The following RHOBTB3 variants were observed in gnomAD, a reference collection of about 807,000 sequenced individuals.
The protein encoded by RHOBTB3 is Rho related BTB domain containing 3.
Under a neutral mutation model 67.2 loss-of-function variants are expected in RHOBTB3, and 47 were observed. The ratio of observed to expected loss-of-function variants is 0.70; its 90% CI spans 0.55 to 0.89. The LOEUF (loss-of-function observed/expected upper bound fraction) is 0.89. Ranked by LOEUF, RHOBTB3 falls within the 40% of genes least tolerant of loss-of-function variation. The pLI is 0.00. For synonymous variants in RHOBTB3, 273 were observed against 274.2 expected (o/e 1.00, Z 0.04); for missense variants, 631 against 750.0 (o/e 0.84, Z 1.85).
At chr5:95,726,545 T>C (rs142218018), upstream of RHOBTB3, among the ~76,000 whole-genome samples, 402 of 152,342 alleles carry the variant, frequency 2.6e-3, 4 homozygotes, top group African/African-American at 9.3e-3. Flanking sequence ...GCAAGAATGG[T>C]TGTAAATTCA....
At position 95,772,296 on chromosome 5, in the gene RHOBTB3, G is replaced by A. The variant is rs527530898; in HGVS notation, c.1282+4130G>A. Reference sequence around the variant, plus strand: ...TGGTGAGTTCTGGTAGATGTCTTCCGTCCTATAACATAGTGTTGTATTAAC... The same window carrying A: ...TGGTGAGTTCTGGTAGATGTCTTCCATCCTATAACATAGTGTTGTATTAAC... On this transcript the variant is annotated intron_variant, in intron 8 of 11. Coordinates refer to ENST00000379982, the MANE Select transcript of RHOBTB3 (RefSeq NM_014899.4). Among the ~76,000 whole-genome samples, 7 of 152,264 alleles carry A rather than the reference G, an allele frequency of 4.6e-5. No individual in the cohort carries two copies. In the South Asian group the frequency reaches 8.3e-4, roughly 18 times the overall value.
At position 95,783,921 on chromosome 5, in the gene RHOBTB3, A is replaced by G. The variant is rs1391098183; in HGVS notation, c.1581A>G (p.Ala527=). The stretch of plus-strand genomic sequence containing the variant: ...AGAGCATGCCAAGCAGGGAACTGGC[A>G]TCCATGAACCTTGATATAGTTGACC... ...QLQSMPSREL[A]SMNLDIVDLL... is the part of the protein sequence containing the mutation. The change falls in exon 10 of 12, where the codon GCA becomes GCG. Residue 527 remains alanine, a synonymous_variant. Coordinates refer to ENST00000379982, the MANE Select transcript of RHOBTB3 (RefSeq NM_014899.4). 2.5e-6 allele frequency: 4 copies of G among 1,613,980 alleles called. No individual in the cohort carries two copies. In the East Asian group the frequency reaches 8.9e-5, roughly 36 times the overall value.
chr5:95,767,869 G>T, intron 7 of RHOBTB3, 177 bp from the exon 8 acceptor site: 1 of 721,496 alleles, frequency 1.4e-6, no homozygotes, highest in Non-Finnish European at 2.5e-6. Flanking sequence ...TCACTGACAG[G>T]CAGCCCATAC....
At chr5:95,766,330 G>A (rs1344162364) in intron 7 of RHOBTB3, among the ~76,000 whole-genome samples, 1 of 151,774 alleles carries the variant, frequency 6.6e-6, no homozygotes, top group Non-Finnish European at 1.5e-5. Flanking sequence ...CAGAGGATTA[G>A]CATTCTGACC....
At chr5:95,728,841 C>T (rs772778337), upstream of RHOBTB3, among the ~76,000 whole-genome samples, 2 of 152,226 alleles carry the variant, frequency 1.3e-5, no homozygotes, top group East Asian at 1.9e-4. Context: ...GTAAAGAAGC[C>T]GGCCAAAACC....
At chr5:95,741,892 TAG>T (rs1755612426) in intron 3 of RHOBTB3, among the ~76,000 whole-genome samples, 1 of 152,232 alleles carries the variant, frequency 6.6e-6, no homozygotes, top group East Asian at 1.9e-4. Context: ...ATTTTTCTCT[TAG>T]AATTATTATG....
intron 8 of RHOBTB3, among the ~76,000 whole-genome samples, chr5:95,778,569 A>C (rs1057182471): frequency 6.6e-5 from 10 of 152,190 alleles, no homozygotes; most frequent in African/African-American, 2.4e-4. Flanking sequence ...TTACTTATCA[A>C]ATTCTACCCC....
At chr5:95,746,657 C>G (rs1744925799) in intron 3 of RHOBTB3, among the ~76,000 whole-genome samples, 1 of 151,992 alleles carries the variant, frequency 6.6e-6, no homozygotes, top group African/African-American at 2.4e-5. Context: ...TTTTATTTTT[C>G]CTTTTGGTGT....
chr5:95,789,033 A>C (rs1746300727), intron 11 of RHOBTB3, 175 bp downstream of exon 11: 2 of 519,870 alleles, frequency 3.8e-6, no homozygotes, highest in East Asian at 3.6e-5. Context: ...CCTGTGTTAC[A>C]TAAGTGCCTT....
Position 95,731,905 on chromosome 5 carries a change from C to A in RHOBTB3, c.49C>A (p.Gln17Lys). 1 of 1,614,088 alleles carries A rather than the reference C, an allele frequency of 6.2e-7. No individual in the cohort carries two copies. Among genetic ancestry groups the A allele is most frequent in the Non-Finnish European group, 8.5e-7 (1 of 1,180,006 alleles). ...ALGNEGDTFH[Q>K]DNRPSGLIRT... Reference sequence around the variant, plus strand: ...GGGGAACGAGGGGGACACATTCCACCAGGACAACCGGCCGTCGGGGCTTAT... The same window carrying A: ...GGGGAACGAGGGGGACACATTCCACAAGGACAACCGGCCGTCGGGGCTTAT... Residue 17 changes from glutamine (Q) to lysine (K), a missense_variant, in exon 2 of 12, where the codon CAG becomes AAG. By Grantham distance (53) the Gln-to-Lys change is moderately conservative (BLOSUM62 1). Transcript: ENST00000379982.
chr5:95,777,030 C>A lies in RHOBTB3; in HGVS notation c.1283-3222C>A, dbSNP rs181247299. ...GATACCATCCCCTGTAATAGGTGAT[C>A]CTCAAATATATATATTTTCTCTACC... On this transcript the variant is annotated intron_variant, in intron 8 of 11. Coordinates refer to ENST00000379982, the MANE Select transcript of RHOBTB3 (RefSeq NM_014899.4). Among the ~76,000 whole-genome samples, 38 of 152,222 alleles carry A rather than the reference C, an allele frequency of 2.5e-4. No homozygotes were observed. The East Asian group carries it at 6.0e-3, about 24-fold the overall frequency.
upstream of RHOBTB3, chr5:95,730,925 G>T (rs371388827): frequency 2.0e-4 from 93 of 458,454 alleles, no homozygotes; most frequent in South Asian, 9.0e-4. Context: ...AGGCCAAGAG[G>T]GGGGGAAATC....
chr5:95,728,648 C>T (rs1755127514), upstream of RHOBTB3, among the ~76,000 whole-genome samples: 2 of 152,136 alleles, frequency 1.3e-5, no homozygotes, highest in Non-Finnish European at 2.9e-5. Flanking sequence ...TATTCACAAA[C>T]TAATTAATAT....
At chr5:95,756,753 T>C (rs1745257958) in intron 6 of RHOBTB3, among the ~76,000 whole-genome samples, 1 of 152,196 alleles carries the variant, frequency 6.6e-6, no homozygotes. Context: ...CCCTAATGAT[T>C]AGTGATATCA....
At chr5:95,744,046 CTCTCTCCTTCCCTCT>C (rs578179215) in intron 3 of RHOBTB3, among the ~76,000 whole-genome samples, 10 of 150,890 alleles carry the variant, frequency 6.6e-5, no homozygotes, top group East Asian at 2.0e-4. Flanking sequence ...TCCTCCCTCC[CTCTCTCCTTCCCTCT>C]TCTCTCCTTC....
In RHOBTB3 at chr5:95,785,747, C is replaced by T. The variant is rs78108293; in HGVS notation, c.1623+1784C>T. Among the ~76,000 whole-genome samples the T allele has an allele frequency of 6.6e-5, 10 of 152,280 alleles. No individual in the cohort carries two copies. In the East Asian group the frequency reaches 1.9e-3, roughly 29 times the overall value. The stretch of plus-strand genomic sequence containing the variant: ...CAGTTCATTTTTGATGTATCATTTT[C>T]ATACTATTCTAACAAGTTGTTCATA... On this transcript the variant is annotated intron_variant, in intron 10 of 11. Coordinates refer to ENST00000379982, the MANE Select transcript of RHOBTB3 (RefSeq NM_014899.4).
chr5:95,764,815 T>C (rs1195964264), intron 7 of RHOBTB3, among the ~76,000 whole-genome samples: 2 of 152,180 alleles, frequency 1.3e-5, no homozygotes, highest in Non-Finnish European at 2.9e-5. Context: ...GATTGTTCTT[T>C]AGTTGAGAAA....
intron 2 of RHOBTB3, among the ~76,000 whole-genome samples, chr5:95,736,609 G>T (rs1561439195): frequency 6.6e-6 from 1 of 152,096 alleles, no homozygotes; most frequent in Non-Finnish European, 1.5e-5. Context: ...TTAAAACAAA[G>T]GGCTTATTTT....
chr5:95,748,349 A>T lies in RHOBTB3; in HGVS notation c.432A>T (p.Thr144=). The part of the protein sequence containing the change: ...GTRQNEELPC[T]CPLCTSDRGS... ...TTTTCTCAGAAGAGTTACCTTGTACATGCCCACTATGTACCTCAGACAGAG... is the reference window on the plus strand; with the variant it reads ...TTTTCTCAGAAGAGTTACCTTGTACTTGCCCACTATGTACCTCAGACAGAG... The change falls in exon 4 of 12, where the codon ACA becomes ACT. Residue 144 remains threonine (T), a synonymous_variant. Coordinates refer to ENST00000379982, the MANE Select transcript of RHOBTB3 (RefSeq NM_014899.4). The T allele has an allele frequency of 6.2e-7, 1 of 1,606,040 alleles. No individual in the cohort carries two copies. Among genetic ancestry groups the T allele is most frequent in the Non-Finnish European group, 8.5e-7 (1 of 1,176,828 alleles).
Sources: allele counts gnomAD v4.1 joint callset (sites outside exome capture counted in the v4.1 genomes callset), GRCh38; gene constraint gnomAD v4.1.1; transcripts MANE v1.5; gene names NCBI Gene and HGNC (gene_info 2026-07-23, HGNC 2026-07-21).